Variants in HECTD2 observed in about 807,000 individuals in gnomAD.
HECTD2 encodes HECT domain E3 ubiquitin protein ligase 2, also known as probable E3 ubiquitin-protein ligase HECTD2.
A neutral mutation model predicts 103.2 loss-of-function variants in HECTD2; 35 were observed. That is an observed-to-expected ratio of 0.34 (90% CI 0.26 to 0.45). The LOEUF (loss-of-function observed/expected upper bound fraction) is 0.45, where lower values mean the gene tolerates loss of function less well. Among genes scored for constraint, HECTD2 ranks in the 20% least tolerant of loss-of-function variants. The pLI is 1.00. For missense variants in HECTD2, 596 were observed against 937.4 expected (o/e 0.64, Z 4.76); for synonymous variants, 281 against 329.9 (o/e 0.85, Z 1.61).
intron 2 of HECTD2, among the ~76,000 whole-genome samples, chr10:91,431,432 G>A (rs1358169969): frequency 6.6e-6 from 1 of 152,086 alleles, no homozygotes; most frequent in Non-Finnish European, 1.5e-5. Context: ...GGCCTGCCTT[G>A]CTAGATTGGG....
intron 2 of HECTD2, among the ~76,000 whole-genome samples, chr10:91,455,137 A>T (rs1002813192): frequency 5.3e-5 from 8 of 152,212 alleles, no homozygotes; most frequent in Non-Finnish European, 1.0e-4. Context: ...TCCTTGAGGA[A>T]TCGCCACACT....
intron 5 of HECTD2, among the ~76,000 whole-genome samples, chr10:91,472,345 T>A (rs1049103591): frequency 6.6e-6 from 1 of 152,130 alleles, no homozygotes; most frequent in Non-Finnish European, 1.5e-5. Context: ...ACTGAAAGTA[T>A]AAAAAGCCTG....
intron 1 of HECTD2, among the ~76,000 whole-genome samples, chr10:91,420,368 G>A (rs2133004854): frequency 6.6e-6 from 1 of 151,220 alleles, no homozygotes. Context: ...GGTAGATCAT[G>A]AGGTCAGGAA....
intron 2 of HECTD2, among the ~76,000 whole-genome samples, chr10:91,426,227 GTAACTCTA>G (rs1843554208): frequency 6.6e-6 from 1 of 151,932 alleles, no homozygotes; most frequent in Non-Finnish European, 1.5e-5. Context: ...TGTTTCTTAT[GTAACTCTA>G]TATTGTTTTA....
At chr10:91,476,782 A>G (rs1002888277) in intron 5 of HECTD2, among the ~76,000 whole-genome samples, 1 of 152,280 alleles carries the variant, frequency 6.6e-6, no homozygotes, top group South Asian at 2.1e-4. Context: ...TTCTGTGGGC[A>G]CCTGCCTGCC....
At chr10:91,425,173 T>C in intron 1 of HECTD2, 108 bp from the exon 2 acceptor site, 1 of 898,620 alleles carries the variant, frequency 1.1e-6, no homozygotes, top group Admixed American at 3.3e-5. Flanking sequence ...TTATCTATTA[T>C]CTACTCGTCA....
intron 1 of HECTD2, among the ~76,000 whole-genome samples, chr10:91,419,432 A>G (rs1005931470): frequency 2.6e-5 from 4 of 152,150 alleles, no homozygotes; most frequent in Non-Finnish European, 5.9e-5. Context: ...TTGTCTGTTT[A>G]AATATCTTGA....
intron 2 of HECTD2, among the ~76,000 whole-genome samples, chr10:91,429,535 G>C (rs935190293): frequency 6.6e-6 from 1 of 152,054 alleles, no homozygotes; most frequent in Admixed American, 6.6e-5. Flanking sequence ...GTAAGCTATT[G>C]ATTATTGCCA....
At chr10:91,424,875 A>C (rs1007175685) in intron 1 of HECTD2, among the ~76,000 whole-genome samples, 1 of 152,126 alleles carries the variant, frequency 6.6e-6, no homozygotes, top group African/African-American at 2.4e-5. Flanking sequence ...GTAAGGTATC[A>C]CATGCATCCT....
At chr10:91,494,880 C>T (rs1156596734) in intron 14 of HECTD2, among the ~76,000 whole-genome samples, 1 of 151,872 alleles carries the variant, frequency 6.6e-6, no homozygotes, top group East Asian at 1.9e-4. Flanking sequence ...GATATTTTGA[C>T]TCTAATATTT....
intron 20 of HECTD2, among the ~76,000 whole-genome samples, chr10:91,505,317 C>T (rs894705890): frequency 6.6e-6 from 1 of 151,382 alleles, no homozygotes; most frequent in African/African-American, 2.4e-5. Context: ...AATTAAAAGA[C>T]ACAGACTGGC....
chr10:91,452,253 T>TA (rs1844866113), intron 2 of HECTD2, among the ~76,000 whole-genome samples: 1 of 152,048 alleles, frequency 6.6e-6, no homozygotes, highest in African/African-American at 2.4e-5. Context: ...CTACATTTGG[T>TA]GAAAGACATA....
At chr10:91,495,649 G>A (rs1364294878) in intron 14 of HECTD2, among the ~76,000 whole-genome samples, 1 of 151,904 alleles carries the variant, frequency 6.6e-6, no homozygotes, top group African/African-American at 2.4e-5. Context: ...TTTTAACTTT[G>A]ACACTGAAAC....
intron 2 of HECTD2, among the ~76,000 whole-genome samples, chr10:91,425,788 A>G (rs1843535331): frequency 6.6e-6 from 1 of 151,824 alleles, no homozygotes; most frequent in Non-Finnish European, 1.5e-5. Context: ...AAATAAACCT[A>G]AAAGGAAATG....
At position 91,477,687 on chromosome 10, in the gene HECTD2, A is replaced by G. The variant is rs137937830; in HGVS notation, c.601-514A>G. On this transcript the variant is annotated intron_variant, in intron 5 of 20. Transcript: ENST00000298068. ...TTGGCATTTGCCTCTTTCATGTAAC[A>G]TGACACAAATTTTACTGATTATTTG... 2.9e-4 allele frequency among the ~76,000 whole-genome samples: 44 copies of G among 152,362 alleles called. 1 individual carries two copies. In the East Asian group the frequency reaches 8.5e-3, roughly 29 times the overall value.
intron 2 of HECTD2, among the ~76,000 whole-genome samples, chr10:91,428,854 T>C (rs1843700727): frequency 6.6e-6 from 1 of 152,040 alleles, no homozygotes; most frequent in Admixed American, 6.5e-5. Flanking sequence ...CTTTTCCTAA[T>C]TGAATACCCT....
chr10:91,465,167 G>A (rs111912355), intron 5 of HECTD2, among the ~76,000 whole-genome samples: 16 of 152,220 alleles, frequency 1.1e-4, no homozygotes, highest in East Asian at 1.9e-4. Context: ...CTAAACAAAC[G>A]AGTAAATATA....
chr10:91,410,524 C>T lies in HECTD2; in HGVS notation c.86C>T (p.Ser29Leu). The change falls in exon 1 of 21, where the codon TCA (serine) becomes TTA (leucine). Residue 29 changes from serine (S) to leucine (L), a missense_variant. Ser to Leu is a moderately radical substitution (Grantham distance 145). Coordinates refer to ENST00000298068, the MANE Select transcript of HECTD2 (RefSeq NM_182765.6). ...CCTGAGGAGAGGAAAGGGAAGGAGT[C>T]AGAGCGCGAGAAGCTGCCGCCCATC... ...PAPEERKGKESEREKLPPIVS... is the reference protein window; with the variant it reads ...PAPEERKGKELEREKLPPIVS... 3.4e-6 allele frequency: 5 copies of T among 1,477,022 alleles called. No individual in the cohort carries two copies. The highest frequency in any genetic ancestry group is 2.2e-5 in the Admixed American group (1 of 45,258). 91.5% of individuals were successfully genotyped at this position (1,477,022 alleles called of 1,614,324 possible). A position where few individuals can be genotyped will look rare whatever the true frequency, so the allele number is the denominator to read the frequency against.
intron 2 of HECTD2, among the ~76,000 whole-genome samples, chr10:91,453,927 A>G (rs1458559933): frequency 6.6e-6 from 1 of 152,130 alleles, no homozygotes; most frequent in East Asian, 1.9e-4. Context: ...AAGAAAACTC[A>G]TGGAGACAGA....
Sources: allele counts gnomAD v4.1 joint callset (sites outside exome capture counted in the v4.1 genomes callset), GRCh38; gene constraint gnomAD v4.1.1; transcripts MANE v1.5; gene names NCBI Gene and HGNC (gene_info 2026-07-23, HGNC 2026-07-21).